The following ZHX2 variants were observed in gnomAD, a reference collection of about 807,000 sequenced individuals.
ZHX2 encodes the protein zinc fingers and homeoboxes protein 2.
In ZHX2, 6 loss-of-function variants were observed where a neutral mutation model predicts 21.9. That is an observed-to-expected ratio of 0.27 (90% CI 0.15 to 0.54). ZHX2 has a LOEUF of 0.54. Ranked by LOEUF, ZHX2 falls within the 20% of genes least tolerant of loss-of-function variation. ZHX2 has a pLI of 0.95. For synonymous variants in ZHX2, 434 were observed against 437.1 expected, an observed-to-expected ratio of 0.99 and a Z score of 0.09; for missense variants, 908 against 1,090.7, an observed-to-expected ratio of 0.83 and a Z score of 2.36.
chr8:122,916,824 C>T (rs769615944), intron 2 of ZHX2, among the ~76,000 whole-genome samples: 1 of 152,184 alleles, frequency 6.6e-6, no homozygotes, highest in Non-Finnish European at 1.5e-5. Context: ...TCTGTCTCCA[C>T]ACTCCCCACC....
chr8:122,793,813 G>A (rs1817568480), intron 1 of ZHX2, among the ~76,000 whole-genome samples: 1 of 152,202 alleles, frequency 6.6e-6, no homozygotes, highest in Non-Finnish European at 1.5e-5. Context: ...CCCTGCCTCT[G>A]GGAAAGACTG....
intron 1 of ZHX2, among the ~76,000 whole-genome samples, chr8:122,843,193 A>G (rs1818678359): frequency 1.3e-5 from 2 of 152,254 alleles, no homozygotes; most frequent in Non-Finnish European, 2.9e-5. Flanking sequence ...GTTACATGCC[A>G]GACTCTGTGT....
intron 2 of ZHX2, among the ~76,000 whole-genome samples, chr8:122,886,712 A>G (rs1819849644): frequency 6.6e-6 from 1 of 152,228 alleles, no homozygotes; most frequent in Non-Finnish European, 1.5e-5. Context: ...TATTGTAATC[A>G]TAATAGTGAA....
chr8:122,911,355 C>G (rs1327743502), intron 2 of ZHX2, among the ~76,000 whole-genome samples: 1 of 152,048 alleles, frequency 6.6e-6, no homozygotes, highest in Non-Finnish European at 1.5e-5. Context: ...CTTCTCAGCC[C>G]CTCCCTGTCC....
At chr8:122,858,920 C>T (rs1423395853) in intron 1 of ZHX2, among the ~76,000 whole-genome samples, 1 of 152,198 alleles carries the variant, frequency 6.6e-6, no homozygotes, top group African/African-American at 2.4e-5. Flanking sequence ...GGATTACAGG[C>T]ATGAGCCACC....
chr8:122,850,909 G>A (rs1279584061), intron 1 of ZHX2, among the ~76,000 whole-genome samples: 1 of 152,212 alleles, frequency 6.6e-6, no homozygotes, highest in African/African-American at 2.4e-5. Flanking sequence ...ATCCTCACCT[G>A]CCCCTCTGTC....
At position 122,953,825 on chromosome 8, in the gene ZHX2, C is replaced by T. The variant is rs1281813954; in HGVS notation, c.2315C>T (p.Ser772Leu). The change falls in exon 3 of 4, where the codon TCA becomes TTA. Residue 772 changes from serine (S) to leucine (L), a missense_variant. By Grantham distance (145) the Ser-to-Leu change is moderately radical. Around this residue, in one of 4 missense-constraint regions of ZHX2, gnomAD observed 431 missense variants for 428.6 expected, o/e 1.01. Transcript: ENST00000314393. The surrounding 1 kb of genome is among the most constrained non-coding windows in gnomAD (Gnocchi z 4.6). ...AKPSEATSDR[S>L]EGSSRDGQGS... The stretch of plus-strand genomic sequence containing the variant: ...CCCTCAGAGGCCACCTCAGACCGGT[C>T]AGAGGGCAGCAGCCGGGACGGCCAG... 1 of 1,614,224 alleles carries T rather than the reference C, an allele frequency of 6.2e-7. No homozygotes were observed. Among genetic ancestry groups the T allele is most frequent in the East Asian group, 2.2e-5 (1 of 44,886 alleles).
intron 2 of ZHX2, among the ~76,000 whole-genome samples, chr8:122,866,765 A>G (rs1819307871): frequency 6.6e-6 from 1 of 152,202 alleles, no homozygotes; most frequent in Non-Finnish European, 1.5e-5. Flanking sequence ...CTGAGGAGGC[A>G]AGAAGAACTG....
chr8:122,901,160 A>C (rs1820220848), intron 2 of ZHX2, among the ~76,000 whole-genome samples: 1 of 152,202 alleles, frequency 6.6e-6, no homozygotes, highest in Non-Finnish European at 1.5e-5. Context: ...TCTAGAGCGC[A>C]ACTCATAATG....
At chr8:122,789,384 A>C (rs1285246601) in intron 1 of ZHX2, among the ~76,000 whole-genome samples, 1 of 152,124 alleles carries the variant, frequency 6.6e-6, no homozygotes, top group Non-Finnish European at 1.5e-5. Context: ...GCGCCACCCC[A>C]CCAGCCCCTG....
intron 2 of ZHX2, among the ~76,000 whole-genome samples, chr8:122,928,565 G>A (rs1820910897): frequency 6.6e-6 from 1 of 152,180 alleles, no homozygotes; most frequent in Non-Finnish European, 1.5e-5. Context: ...AGATTTAGGG[G>A]AGATTTGCCT....
intron 1 of ZHX2, among the ~76,000 whole-genome samples, chr8:122,801,096 G>C (rs139706482): frequency 1.8e-3 from 277 of 152,276 alleles, no homozygotes; most frequent in African/African-American, 6.5e-3. Context: ...GCAAATCAAG[G>C]CTTTCAATGA....
intron 2 of ZHX2, among the ~76,000 whole-genome samples, chr8:122,889,222 G>C (rs1819919003): frequency 6.6e-6 from 1 of 152,018 alleles, no homozygotes. Context: ...TACTGATTTT[G>C]TTTCCTTTGG....
intron 2 of ZHX2, among the ~76,000 whole-genome samples, chr8:122,911,025 C>T (rs1820467219): frequency 6.6e-6 from 1 of 152,110 alleles, no homozygotes; most frequent in Admixed American, 6.6e-5. Flanking sequence ...GAATAGAAAA[C>T]AATAGGAGGT....
intron 1 of ZHX2, among the ~76,000 whole-genome samples, chr8:122,858,634 C>CTTTTTTTTT (rs1185225193): frequency 8.1e-6 from 1 of 124,054 alleles, no homozygotes; most frequent in African/African-American, 3.0e-5. Context: ...TTTTTTCTTT[C>CTTTTTTTTT]TTTCTTTTTT....
chr8:122,918,627 T>A (rs1421453976), intron 2 of ZHX2, among the ~76,000 whole-genome samples: 6 of 152,154 alleles, frequency 3.9e-5, no homozygotes, highest in Non-Finnish European at 7.4e-5. Context: ...ATGAAAGCAT[T>A]CATGGGCATG....
intron 3 of ZHX2, among the ~76,000 whole-genome samples, chr8:122,971,515 C>T (rs950298077): frequency 2.1e-5 from 3 of 144,618 alleles, no homozygotes; most frequent in South Asian, 4.4e-4. Flanking sequence ...AATGTGGGTG[C>T]GTTTAACATC....
At chr8:122,818,736 T>G (rs1818081449) in intron 1 of ZHX2, among the ~76,000 whole-genome samples, 1 of 152,218 alleles carries the variant, frequency 6.6e-6, no homozygotes, top group South Asian at 2.1e-4. Context: ...GCCGAGGACG[T>G]TTGCATGAAA....
intron 2 of ZHX2, among the ~76,000 whole-genome samples, chr8:122,879,531 C>A (rs1819652832): frequency 6.6e-6 from 1 of 150,914 alleles, no homozygotes; most frequent in African/African-American, 2.4e-5. Context: ...AATTCTGCGT[C>A]ATTTTTTTCA....
Sources: allele counts gnomAD v4.1 joint callset (sites outside exome capture counted in the v4.1 genomes callset), GRCh38; gene constraint gnomAD v4.1.1; regional missense constraint gnomAD v4.1.1; non-coding constraint Gnocchi (gnomAD v3.1); transcripts MANE v1.5; gene names NCBI Gene and HGNC (gene_info 2026-07-23, HGNC 2026-07-21).